LTBP1: variants seen among roughly 807,000 people sequenced by gnomAD.
LTBP1 encodes the protein latent-transforming growth factor beta-binding protein 1.
In LTBP1, 129 loss-of-function variants were observed where a neutral mutation model predicts 207.6. The ratio of observed to expected loss-of-function variants is 0.62; its 90% CI spans 0.54 to 0.72. The LOEUF (loss-of-function observed/expected upper bound fraction) is 0.72. Among genes scored for constraint, LTBP1 ranks in the 30% least tolerant of loss-of-function variants. The probability of loss-of-function intolerance (pLI) is 0.00; values close to 1 mark genes in which losing one functional copy is unlikely to be tolerated. For synonymous variants in LTBP1, 963 were observed against 833.7 expected, an observed-to-expected ratio of 1.16 and a Z score of -2.67; for missense variants, 2,281 against 2,217.2, an observed-to-expected ratio of 1.03 and a Z score of -0.58.
chr2:33,192,996 G>A (rs1281663740), intron 7 of LTBP1, among the ~76,000 whole-genome samples: 6 of 152,058 alleles, frequency 3.9e-5, no homozygotes, highest in South Asian at 2.1e-4. Context: ...TAACACTGTC[G>A]CTTTCAGGGG....
In LTBP1 at chr2:33,365,429, C is replaced by G. The variant is rs773589794; in HGVS notation, c.4637C>G (p.Thr1546Arg). The G allele has an allele frequency of 6.2e-7, 1 of 1,614,160 alleles. No homozygotes were observed. Among genetic ancestry groups the G allele is most frequent in the Non-Finnish European group, 8.5e-7 (1 of 1,180,028 alleles). The change falls in exon 31 of 34, where the codon ACG becomes AGG. Residue 1546 changes from threonine (T) to arginine (R), a missense_variant. Around this residue, in one of 3 missense-constraint regions of LTBP1, gnomAD observed 1,671 missense variants for 1,634.8 expected, o/e 1.02. Coordinates refer to ENST00000404816, the MANE Select transcript of LTBP1 (RefSeq NM_206943.4). ...CGGCCTCTTGTGGGCAAGCAGACAACGTACACTGAGTGCTGCTGTCTGTAT... is the reference window on the plus strand; with the variant it reads ...CGGCCTCTTGTGGGCAAGCAGACAAGGTACACTGAGTGCTGCTGTCTGTAT... ...CSRPLVGKQTTYTECCCLYGE... is the reference protein window; with the variant it reads ...CSRPLVGKQTRYTECCCLYGE...
Position 33,397,990 on chromosome 2 carries a change from G to A in LTBP1, c.4985-374G>A, listed in dbSNP as rs544862600. On this transcript the variant is annotated intron_variant, in intron 33 of 33. Coordinates refer to ENST00000404816, the MANE Select transcript of LTBP1 (RefSeq NM_206943.4). The stretch of plus-strand genomic sequence containing the variant: ...TCTGTGAATGTTATGGAAGGCTTTA[G>A]ACAGGCTGTATGGAGAGGCCTCTGC... 6.6e-5 allele frequency among the ~76,000 whole-genome samples: 10 copies of A among 152,274 alleles called. No individual in the cohort carries two copies. The East Asian group carries it at 1.9e-3, about 29-fold the overall frequency.
intron 5 of LTBP1, among the ~76,000 whole-genome samples, chr2:33,185,202 A>T (rs1272177761): frequency 6.6e-6 from 1 of 152,182 alleles, no homozygotes. Context: ...GCTAAGTGTG[A>T]TGAGATTGCA....
At chr2:33,371,476 A>G (rs1179653703) in intron 31 of LTBP1, among the ~76,000 whole-genome samples, 2 of 152,224 alleles carry the variant, frequency 1.3e-5, no homozygotes, top group African/African-American at 4.8e-5. Context: ...CAAGTCAGGA[A>G]AAACGAGCCA....
At chr2:33,045,946 AT>A (rs2076419696) in intron 3 of LTBP1, among the ~76,000 whole-genome samples, 1 of 152,112 alleles carries the variant, frequency 6.6e-6, no homozygotes, top group Admixed American at 6.6e-5. Context: ...GATGCTTGTG[AT>A]TTTTGCACAT....
At chr2:33,008,033 C>CT (rs1274018418) in intron 2 of LTBP1, among the ~76,000 whole-genome samples, 1 of 151,952 alleles carries the variant, frequency 6.6e-6, no homozygotes, top group Non-Finnish European at 1.5e-5. Context: ...TTTTCTTAGT[C>CT]TTTTTTTTCC....
At chr2:33,039,462 A>G (rs768805939) in intron 3 of LTBP1, among the ~76,000 whole-genome samples, 5 of 152,210 alleles carry the variant, frequency 3.3e-5, no homozygotes, top group Non-Finnish European at 7.3e-5. Flanking sequence ...TACCTCTTAT[A>G]CTACATTTAT....
Position 33,352,970 on chromosome 2 carries a change from CTTTTTTT to C in LTBP1, c.4000+5480_4000+5486del, listed in dbSNP as rs61357622. 4.1e-3 allele frequency among the ~76,000 whole-genome samples: 384 copies of C among 93,220 alleles called. 3 individuals are homozygous for C. The East Asian group carries it at 0.047, about 11-fold the overall frequency. 61.2% of individuals were successfully genotyped at this position (93,220 alleles called of 152,430 possible). A position where few individuals can be genotyped will look rare whatever the true frequency, so the allele number is the denominator to read the frequency against. On this transcript the variant is annotated intron_variant, in intron 26 of 33. Coordinates refer to ENST00000404816, the MANE Select transcript of LTBP1 (RefSeq NM_206943.4). ...TGTGCCCTCCCCCTTGTAAGCCTTT[CTTTTTTT>C]TTTTTTTTTTTTTTTTTTTGAGACA...
chr2:33,236,056 A>G (rs1048349779), intron 9 of LTBP1, among the ~76,000 whole-genome samples: 1 of 152,220 alleles, frequency 6.6e-6, no homozygotes, highest in East Asian at 1.9e-4. Context: ...TATAATTTTT[A>G]AAAAAGATGA....
intron 3 of LTBP1, among the ~76,000 whole-genome samples, chr2:33,025,572 A>G (rs2075376842): frequency 6.6e-6 from 1 of 152,226 alleles, no homozygotes; most frequent in Admixed American, 6.5e-5. Flanking sequence ...AAAGATAACA[A>G]TGACGATTTA....
At chr2:33,010,175 G>T (rs1230525289) in intron 2 of LTBP1, among the ~76,000 whole-genome samples, 1 of 152,176 alleles carries the variant, frequency 6.6e-6, no homozygotes, top group Non-Finnish European at 1.5e-5. Context: ...GAATGGAGAG[G>T]ACCAAGAACT....
At chr2:33,013,951 A>G (rs1376936671) in intron 2 of LTBP1, among the ~76,000 whole-genome samples, 2 of 152,154 alleles carry the variant, frequency 1.3e-5, no homozygotes, top group Non-Finnish European at 2.9e-5. Context: ...AATTTTTGCT[A>G]TGCTCAACTA....
intron 2 of LTBP1, among the ~76,000 whole-genome samples, chr2:32,998,058 T>C (rs1161605669): frequency 6.6e-6 from 1 of 152,192 alleles, no homozygotes; most frequent in South Asian, 2.1e-4. Flanking sequence ...AAATTCTAGA[T>C]TTGAGCATGG....
rs547774244 is a variant in LTBP1 at position 33,207,988 on chromosome 2, C to G, written c.1702-9564C>G. ...GAGGAAAGACGAAGTTTGGATTGAT[C>G]CAACAACCTGTTACATGTAGTCAGT... On this transcript the variant is annotated intron_variant, in intron 7 of 33. Transcript: ENST00000404816. Among the ~76,000 whole-genome samples, 5 of 152,182 alleles carry G rather than the reference C, an allele frequency of 3.3e-5. No individual in the cohort carries two copies. The East Asian group carries it at 9.6e-4, about 29-fold the overall frequency.
At position 33,100,720 on chromosome 2, in the gene LTBP1, A is replaced by G. The variant is rs190579452; in HGVS notation, c.864-9862A>G. On this transcript the variant is annotated intron_variant, in intron 3 of 33. Coordinates refer to ENST00000404816, the MANE Select transcript of LTBP1 (RefSeq NM_206943.4). ...TCTCTCTCTCCCCCAACCCCTGGTGATAACCTCTACTCTATTTTCTGTCTA... is the reference window on the plus strand; with the variant it reads ...TCTCTCTCTCCCCCAACCCCTGGTGGTAACCTCTACTCTATTTTCTGTCTA... Among the ~76,000 whole-genome samples, 3 of 152,246 alleles carry G rather than the reference A, an allele frequency of 2.0e-5. No individual in the cohort carries two copies. The East Asian group carries it at 5.8e-4, about 29-fold the overall frequency.
chr2:33,357,479 G>A (rs1174138255), intron 26 of LTBP1, among the ~76,000 whole-genome samples: 1 of 152,166 alleles, frequency 6.6e-6, no homozygotes, highest in Non-Finnish European at 1.5e-5. Flanking sequence ...GAAAGTAGTA[G>A]ACATAGGCCA....
intron 4 of LTBP1, among the ~76,000 whole-genome samples, chr2:33,120,714 T>C (rs1349430157): frequency 6.6e-6 from 1 of 152,178 alleles, no homozygotes. Context: ...TATCCAGTAA[T>C]GGGATTGCTG....
At chr2:33,361,578 A>G (rs555810609) in intron 28 of LTBP1, 63 bp downstream of exon 28, 1 of 1,192,284 alleles carries the variant, frequency 8.4e-7, no homozygotes, top group Non-Finnish European at 1.2e-6. Context: ...TCAAGTGAAA[A>G]CATGGCTTGG....
intron 21 of LTBP1, 57 bp from the exon 22 acceptor site, chr2:33,301,465 T>C (rs866847680): frequency 5.9e-6 from 9 of 1,516,186 alleles, no homozygotes; most frequent in Middle Eastern, 3.5e-4. Flanking sequence ...TTGAGACTGA[T>C]TGAAAATGTT....
Sources: gnomAD v4.1 joint callset for allele counts (sites outside exome capture counted in the v4.1 genomes callset) on GRCh38, gnomAD v4.1.1 for gene constraint, gnomAD v4.1.1 regional missense constraint, MANE v1.5 for transcripts, NCBI Gene and HGNC (gene_info 2026-07-23, HGNC 2026-07-21) for gene names.